Variants in PPP2R2B observed in about 807,000 individuals in gnomAD.
PPP2R2B encodes serine/threonine-protein phosphatase 2A 55 kDa regulatory subunit B beta isoform.
Under a neutral mutation model 46.0 loss-of-function variants are expected in PPP2R2B, and 5 were observed. That is an observed-to-expected ratio of 0.11 (90% CI 0.06 to 0.23). The LOEUF (loss-of-function observed/expected upper bound fraction) is 0.23, where lower values mean the gene tolerates loss of function less well. Among genes scored for constraint, PPP2R2B ranks in the 10% least tolerant of loss-of-function variants. The pLI is 1.00. For missense variants in PPP2R2B, 367 were observed against 575.0 expected (o/e 0.64, Z 3.70); for synonymous variants, 215 against 206.7 (o/e 1.04, Z -0.34).
At chr5:146,835,527 C>A (rs1019556336) in intron 2 of PPP2R2B, among the ~76,000 whole-genome samples, 2 of 152,252 alleles carry the variant, frequency 1.3e-5, no homozygotes, top group African/African-American at 4.8e-5. Flanking sequence ...AAGATCACTG[C>A]TTCACACCCC....
intron 2 of PPP2R2B, among the ~76,000 whole-genome samples, chr5:146,861,151 G>A (rs1760972519): frequency 1.3e-5 from 2 of 151,052 alleles, no homozygotes; most frequent in Admixed American, 6.6e-5. Flanking sequence ...TGACTCCCAG[G>A]TTCATGTCAT....
At chr5:146,816,183 C>T (rs928689257) in intron 2 of PPP2R2B, among the ~76,000 whole-genome samples, 1 of 152,040 alleles carries the variant, frequency 6.6e-6, no homozygotes, top group Non-Finnish European at 1.5e-5. Flanking sequence ...GCAGGAGGCT[C>T]GCTTGAGCCC....
intron 2 of PPP2R2B, among the ~76,000 whole-genome samples, chr5:146,712,762 T>G (rs1040520474): frequency 4.6e-5 from 7 of 152,136 alleles, no homozygotes; most frequent in African/African-American, 1.7e-4. Flanking sequence ...AAGAGCATGA[T>G]CATCCCCAAT....
intron 1 of PPP2R2B, among the ~76,000 whole-genome samples, chr5:146,931,399 C>T (rs1015391124): frequency 6.6e-6 from 1 of 151,986 alleles, no homozygotes; most frequent in Non-Finnish European, 1.5e-5. Context: ...TGGAACTGTC[C>T]GGAAATAGCA....
At chr5:146,966,260 G>A in intron 1 of PPP2R2B, among the ~76,000 whole-genome samples, 1 of 152,274 alleles carries the variant, frequency 6.6e-6, no homozygotes, top group African/African-American at 2.4e-5. Flanking sequence ...TTGGTCACAT[G>A]CAGGTAAGGA....
In PPP2R2B at chr5:146,720,686, G is replaced by C. The variant is rs193119874; in HGVS notation, c.71-19544C>G. Among the ~76,000 whole-genome samples, 22 of 152,214 alleles carry C rather than the reference G, an allele frequency of 1.4e-4. No homozygotes were observed. The East Asian group carries it at 4.3e-3, about 29-fold the overall frequency. On this transcript the variant is annotated intron_variant, in intron 2 of 9. Transcript: ENST00000394411. ...CTAAGGACTTACAGATATTTATTAAGGTTTTATTAAGGACTTGCCAGGCAC... is the reference window on the plus strand; with the variant it reads ...CTAAGGACTTACAGATATTTATTAACGTTTTATTAAGGACTTGCCAGGCAC...
intron 1 of PPP2R2B, among the ~76,000 whole-genome samples, chr5:146,946,189 T>A (rs1201994467): frequency 6.6e-6 from 1 of 152,092 alleles, no homozygotes; most frequent in Non-Finnish European, 1.5e-5. Flanking sequence ...TAGTAGCGAG[T>A]ATAGCCCAAC....
At chr5:146,867,805 A>G (rs1761394890) in intron 2 of PPP2R2B, among the ~76,000 whole-genome samples, 2 of 152,240 alleles carry the variant, frequency 1.3e-5, no homozygotes, top group African/African-American at 4.8e-5. Flanking sequence ...CTATAGGCTT[A>G]TACTTCACCA....
At chr5:146,633,027 C>A (rs72652837) in intron 7 of PPP2R2B, among the ~76,000 whole-genome samples, 3,550 of 152,114 alleles carry the variant, frequency 0.023, 198 homozygotes, top group East Asian at 0.23. Flanking sequence ...GATACTCATG[C>A]GTGGAAAGGG....
At chr5:146,807,473 T>C (rs897182189) in intron 2 of PPP2R2B, among the ~76,000 whole-genome samples, 5 of 152,196 alleles carry the variant, frequency 3.3e-5, no homozygotes, top group African/African-American at 1.2e-4. Context: ...TACAAGATGA[T>C]CATATTTCAT....
At chr5:146,720,907 T>G (rs765415778) in intron 2 of PPP2R2B, among the ~76,000 whole-genome samples, 16 of 152,234 alleles carry the variant, frequency 1.1e-4, no homozygotes, top group Non-Finnish European at 2.2e-4. Flanking sequence ...CATAGCCACT[T>G]GCAAATCCTA....
intron 1 of PPP2R2B, among the ~76,000 whole-genome samples, chr5:147,041,413 A>C (rs1373905098): frequency 6.6e-6 from 1 of 152,128 alleles, no homozygotes; most frequent in African/African-American, 2.4e-5. Context: ...TCTCCAACTG[A>C]GACTTAGAGA....
At chr5:146,728,885 G>C (rs146219052) in intron 2 of PPP2R2B, among the ~76,000 whole-genome samples, 4 of 152,114 alleles carry the variant, frequency 2.6e-5, no homozygotes, top group Non-Finnish European at 5.9e-5. Flanking sequence ...TTTATTTCCA[G>C]TCTCAGGTAT....
rs1581644578 is a variant in PPP2R2B, at chr5:146,586,050, A to T, written c.*3897T>A. 1 of 152,226 alleles carries T rather than the reference A, an allele frequency of 6.6e-6. No homozygotes were observed. Among genetic ancestry groups the T allele is most frequent in the Non-Finnish European group, 1.5e-5 (1 of 68,106 alleles). The allele number at this position is 152,226 out of a possible 1,614,324, so 9.4% of individuals were successfully genotyped here. A position where few individuals can be genotyped will look rare whatever the true frequency, so the allele number is the denominator to read the frequency against. ...TCAGGGGGAAGAGGTGGATGAAGGC[A>T]TGTTGGATGCACAGTGAATCAGGTT... On this transcript the variant is annotated 3_prime_UTR_variant, in exon 10 of 10. Transcript: ENST00000394411.
intron 1 of PPP2R2B, among the ~76,000 whole-genome samples, chr5:147,047,011 A>G (rs1756575249): frequency 6.6e-6 from 1 of 152,140 alleles, no homozygotes; most frequent in Admixed American, 6.6e-5. Flanking sequence ...ACCAAGTTTC[A>G]TTATATTGTC....
chr5:146,990,391 C>A (rs1015058097), intron 1 of PPP2R2B, among the ~76,000 whole-genome samples: 1 of 151,870 alleles, frequency 6.6e-6, no homozygotes, highest in Non-Finnish European at 1.5e-5. Flanking sequence ...ACCAATGGAA[C>A]AAAATAGAAA....
At chr5:146,925,137 A>G (rs530670158) in intron 1 of PPP2R2B, among the ~76,000 whole-genome samples, 1 of 152,316 alleles carries the variant, frequency 6.6e-6, no homozygotes, top group Non-Finnish European at 1.5e-5. Flanking sequence ...TGTTAAAATT[A>G]TTGTTTCACA....
At chr5:146,696,001 T>A (rs1201449721) in intron 4 of PPP2R2B, among the ~76,000 whole-genome samples, 5 of 152,194 alleles carry the variant, frequency 3.3e-5, no homozygotes, top group African/African-American at 1.2e-4. Context: ...CAAAAAACTA[T>A]TTAAAAACTC....
intron 2 of PPP2R2B, among the ~76,000 whole-genome samples, chr5:146,813,664 C>T (rs962826934): frequency 5.9e-5 from 9 of 152,194 alleles, no homozygotes; most frequent in Non-Finnish European, 1.0e-4. Flanking sequence ...AAAGTCGAAA[C>T]CTTCTATTTT....
Sources: gnomAD v4.1 joint callset for allele counts (sites outside exome capture counted in the v4.1 genomes callset) on GRCh38, gnomAD v4.1.1 for gene constraint, MANE v1.5 for transcripts, NCBI Gene and HGNC (gene_info 2026-07-23, HGNC 2026-07-21) for gene names.